ERC2: variants seen among roughly 807,000 people sequenced by gnomAD.
ERC2 encodes ERC protein 2.
In ERC2, 42 loss-of-function variants were observed where a neutral mutation model predicts 114.8. The observed-to-expected ratio is 0.37, with a 90% CI of 0.29 to 0.47. The LOEUF (loss-of-function observed/expected upper bound fraction) is 0.47. Ranked by LOEUF, ERC2 falls within the 20% of genes least tolerant of loss-of-function variation. The pLI, the probability that ERC2 is intolerant of heterozygous loss-of-function variation, is 0.99. For synonymous variants in ERC2, 454 were observed against 425.5 expected, an observed-to-expected ratio of 1.07 and a Z score of -0.82; for missense variants, 939 against 1,150.7, an observed-to-expected ratio of 0.82 and a Z score of 2.66.
chr3:56,148,894 G>T, intron 5 of ERC2, 83 bp downstream of exon 5: 1 of 1,227,348 alleles, frequency 8.1e-7, no homozygotes, highest in Non-Finnish European at 1.2e-6. Flanking sequence ...CATATTATAT[G>T]GAGTATTTGG....
chr3:55,950,676 A>G, intron 12 of ERC2, 116 bp from the exon 13 acceptor site: 1 of 1,121,064 alleles, frequency 8.9e-7, no homozygotes, highest in Non-Finnish European at 1.3e-6. Context: ...TGGGAAAAAG[A>G]TGATACTTCT....
intron 17 of ERC2, among the ~76,000 whole-genome samples, chr3:55,524,654 A>G (rs1020815994): frequency 2.0e-5 from 3 of 152,186 alleles, no homozygotes; most frequent in African/African-American, 7.2e-5. Flanking sequence ...CAGTTGTCAT[A>G]AATTTTTGGA....
chr3:55,729,365 G>A (rs1211611906), intron 15 of ERC2, among the ~76,000 whole-genome samples: 1 of 152,022 alleles, frequency 6.6e-6, no homozygotes, highest in Non-Finnish European at 1.5e-5. Context: ...TCAAGTCCTT[G>A]CTCCAATGTC....
chr3:56,345,038 C>G (rs1465450627), intron 2 of ERC2, among the ~76,000 whole-genome samples: 3 of 152,128 alleles, frequency 2.0e-5, no homozygotes, highest in African/African-American at 7.2e-5. Context: ...ATTTATGGCA[C>G]TGAAATCAGA....
intron 6 of ERC2, among the ~76,000 whole-genome samples, chr3:56,084,093 C>A: frequency 6.6e-6 from 1 of 151,598 alleles, no homozygotes; most frequent in East Asian, 1.9e-4. Flanking sequence ...ATACAAATAC[C>A]CAAAAAACAT....
At chr3:55,652,227 T>A (rs2060655633) in intron 17 of ERC2, among the ~76,000 whole-genome samples, 1 of 152,258 alleles carries the variant, frequency 6.6e-6, no homozygotes, top group African/African-American at 2.4e-5. Flanking sequence ...ATTTATCATC[T>A]ACAACTGGAA....
intron 3 of ERC2, among the ~76,000 whole-genome samples, chr3:56,177,215 C>T (rs2083026710): frequency 6.6e-6 from 1 of 152,162 alleles, no homozygotes; most frequent in African/African-American, 2.4e-5. Flanking sequence ...CCTTATTAGT[C>T]CTGTATTGTT....
At chr3:55,554,207 C>A (rs535524171) in intron 17 of ERC2, among the ~76,000 whole-genome samples, 1 of 152,234 alleles carries the variant, frequency 6.6e-6, no homozygotes, top group African/African-American at 2.4e-5. Flanking sequence ...AGCGCTTTCC[C>A]TTTCCTGGGC....
At chr3:55,958,902 A>C (rs2149462761) in intron 12 of ERC2, among the ~76,000 whole-genome samples, 1 of 152,230 alleles carries the variant, frequency 6.6e-6, no homozygotes, top group East Asian at 1.9e-4. Context: ...ACAGCTGGGA[A>C]GCTGCAGCTG....
At chr3:55,594,104 C>T (rs1037537094) in intron 17 of ERC2, among the ~76,000 whole-genome samples, 3 of 152,174 alleles carry the variant, frequency 2.0e-5, no homozygotes, top group African/African-American at 4.8e-5. Context: ...TTTTTCCCCA[C>T]CCTTGCTGTT....
At chr3:55,839,891 G>A (rs2061057134) in intron 14 of ERC2, among the ~76,000 whole-genome samples, 1 of 151,860 alleles carries the variant, frequency 6.6e-6, no homozygotes, top group Admixed American at 6.6e-5. Context: ...AAAATGCAAA[G>A]ATTTTCATAC....
intron 17 of ERC2, among the ~76,000 whole-genome samples, chr3:55,583,911 G>C (rs763496465): frequency 1.3e-4 from 20 of 151,998 alleles, no homozygotes. Flanking sequence ...AACAGGTACA[G>C]GGTTAGGAGT....
intron 2 of ERC2, among the ~76,000 whole-genome samples, chr3:56,359,008 T>C (rs898832552): frequency 1.3e-5 from 2 of 152,228 alleles, no homozygotes; most frequent in African/African-American, 4.8e-5. Context: ...GTAGGGTAGA[T>C]GGCCTAAGGT....
At chr3:56,110,314 C>T (rs1294034061) in intron 6 of ERC2, among the ~76,000 whole-genome samples, 1 of 152,068 alleles carries the variant, frequency 6.6e-6, no homozygotes, top group Admixed American at 6.6e-5. Context: ...CCCTTTGACC[C>T]AGTAATCCAA....
At chr3:56,233,268 C>T (rs947794531) in intron 3 of ERC2, among the ~76,000 whole-genome samples, 6 of 152,202 alleles carry the variant, frequency 3.9e-5, no homozygotes, top group African/African-American at 1.2e-4. Context: ...GTATTAATTT[C>T]CTATTGCTGC....
intron 13 of ERC2, among the ~76,000 whole-genome samples, chr3:55,928,656 T>C (rs2065890928): frequency 1.3e-5 from 2 of 152,212 alleles, no homozygotes; most frequent in African/African-American, 4.8e-5. Flanking sequence ...CCTGTGCTTG[T>C]GGGGTATTAC....
At chr3:55,646,772 G>C (rs1170736839) in intron 17 of ERC2, among the ~76,000 whole-genome samples, 1 of 152,096 alleles carries the variant, frequency 6.6e-6, no homozygotes, top group African/African-American at 2.4e-5. Context: ...GAATAGACTA[G>C]ATACTCAACA....
At chr3:56,053,465 C>T (rs1474527217) in intron 7 of ERC2, among the ~76,000 whole-genome samples, 1 of 152,102 alleles carries the variant, frequency 6.6e-6, no homozygotes, top group Admixed American at 6.6e-5. Context: ...AGGTGGCACC[C>T]GAGTTACACA....
At chr3:55,687,392 A>T (rs549673593) in intron 16 of ERC2, among the ~76,000 whole-genome samples, 16 of 150,978 alleles carry the variant, frequency 1.1e-4, no homozygotes, top group African/African-American at 3.4e-4. Context: ...TTTTTTTTTT[A>T]AAACACCTGA....
Sources: gnomAD v4.1 joint callset for allele counts (sites outside exome capture counted in the v4.1 genomes callset) on GRCh38, gnomAD v4.1.1 for gene constraint, MANE v1.5 for transcripts, NCBI Gene and HGNC (gene_info 2026-07-23, HGNC 2026-07-21) for gene names.